Variants in VPS13B observed in about 807,000 individuals in gnomAD.
VPS13B encodes vacuolar protein sorting 13 homolog B, also known as intermembrane lipid transfer protein VPS13B.
In VPS13B, 285 loss-of-function variants were observed where a neutral mutation model predicts 426.4. That is an observed-to-expected ratio of 0.67 (90% confidence interval 0.61 to 0.74). VPS13B has a LOEUF of 0.74. VPS13B is among the 30% of genes least tolerant of loss of function. The pLI is 0.00. For synonymous variants in VPS13B, 1,676 were observed against 1,676.4 expected (o/e 1.00, Z 0.01); for missense variants, 4,537 against 4,782.6 (o/e 0.95, Z 1.51).
chr8:99,865,167 G>A (rs756576266), intron 58 of VPS13B, among the ~76,000 whole-genome samples: 29 of 152,172 alleles, frequency 1.9e-4, no homozygotes, highest in Non-Finnish European at 2.9e-4. Context: ...GAAAAACTCC[G>A]TTTAGCCTGC....
chr8:99,642,590 G>T, intron 34 of VPS13B, 92 bp downstream of exon 34: 1 of 1,182,116 alleles, frequency 8.5e-7, no homozygotes, highest in South Asian at 1.3e-5. Context: ...AGAAACAGCT[G>T]GCAGACAAAA....
intron 17 of VPS13B, among the ~76,000 whole-genome samples, chr8:99,271,633 T>C (rs139129769): frequency 7.4e-4 from 112 of 152,316 alleles, no homozygotes; most frequent in African/African-American, 2.6e-3. Flanking sequence ...AGACACTTGA[T>C]TGACTCACAG....
intron 39 of VPS13B, among the ~76,000 whole-genome samples, chr8:99,747,846 C>CTTT (rs528924547): frequency 9.4e-4 from 140 of 149,058 alleles, no homozygotes; most frequent in Middle Eastern, 3.5e-3. Context: ...TCCAAGAATA[C>CTTT]TTTTTTTTTT....
At chr8:99,756,646 A>G (rs1563902188) in intron 39 of VPS13B, among the ~76,000 whole-genome samples, 1 of 152,226 alleles carries the variant, frequency 6.6e-6, no homozygotes, top group Non-Finnish European at 1.5e-5. Flanking sequence ...TTTCTCATCA[A>G]AAGCCATAGA....
At chr8:99,855,602 G>C (rs1046237720) in intron 56 of VPS13B, among the ~76,000 whole-genome samples, 1 of 152,272 alleles carries the variant, frequency 6.6e-6, no homozygotes, top group Middle Eastern at 3.4e-3. Context: ...ACAGAGGAGA[G>C]AGCCTTTGTT....
chr8:99,736,779 G>C (rs1421327882), intron 39 of VPS13B, among the ~76,000 whole-genome samples: 2 of 151,916 alleles, frequency 1.3e-5, no homozygotes, highest in African/African-American at 2.4e-5. Context: ...TTGCCTCCAT[G>C]TATTTTCTTA....
At chr8:99,495,086 T>C (rs1820815364) in intron 25 of VPS13B, among the ~76,000 whole-genome samples, 1 of 152,180 alleles carries the variant, frequency 6.6e-6, no homozygotes, top group Admixed American at 6.5e-5. Flanking sequence ...ATATAAACTT[T>C]CCATCACCAT....
At chr8:99,649,941 A>G (rs1056342731) in intron 34 of VPS13B, among the ~76,000 whole-genome samples, 23 of 152,104 alleles carry the variant, frequency 1.5e-4, no homozygotes, top group South Asian at 1.5e-3. Flanking sequence ...TTCCTCTCCA[A>G]TCTGCATTGG....
intron 58 of VPS13B, 31 bp from the exon 59 acceptor site, chr8:99,868,258 C>CTG (rs1563517957): frequency 6.2e-7 from 1 of 1,613,994 alleles, no homozygotes; most frequent in South Asian, 1.1e-5. Context: ...TTTTAAGCCT[C>CTG]TGTCCTTACT....
At position 99,230,630 on chromosome 8, in the gene VPS13B, C is replaced by T. The variant is rs148308473; in HGVS notation, c.2515+37573C>T. 4.0e-3 allele frequency among the ~76,000 whole-genome samples: 613 copies of T among 152,304 alleles called. 5 individuals are homozygous for T. The highest frequency in any genetic ancestry group is 8.3e-3 in the South Asian group (40 of 4,830). ...CATATGATTTAGGCAAGTCTCTTTA[C>T]CTCTTTAACAATCAGTTTCCTCCTC... is the stretch of plus-strand genomic sequence containing the variant. On this transcript the variant is annotated intron_variant, in intron 17 of 61. Transcript: ENST00000357162.
In VPS13B at chr8:99,257,619, C is replaced by T. The variant is rs1817822425; in HGVS notation, c.2516-16579C>T. 2.0e-5 allele frequency among the ~76,000 whole-genome samples: 3 copies of T among 152,184 alleles called. No individual in the cohort carries two copies. The South Asian group carries it at 6.2e-4, about 32-fold the overall frequency. On this transcript the variant is annotated intron_variant, in intron 17 of 61. Transcript: ENST00000357162. Reference sequence around the variant, plus strand: ...AAATATAGTTTTGTCTTTATTATGACTTCTTTTATTTCTTTCAGCTAGTCA... The same window carrying T: ...AAATATAGTTTTGTCTTTATTATGATTTCTTTTATTTCTTTCAGCTAGTCA...
intron 6 of VPS13B, among the ~76,000 whole-genome samples, chr8:99,115,165 T>A (rs1847590675): frequency 6.6e-6 from 1 of 152,144 alleles, no homozygotes; most frequent in Admixed American, 6.5e-5. Context: ...TTGACAAAAA[T>A]TTTTATTATT....
intron 17 of VPS13B, among the ~76,000 whole-genome samples, chr8:99,238,127 A>G (rs551086323): frequency 6.6e-6 from 1 of 152,184 alleles, no homozygotes; most frequent in South Asian, 2.1e-4. Flanking sequence ...ATCCTTGAGT[A>G]TACTATAGAC....
At chr8:99,327,726 A>G (rs1239348569) in intron 19 of VPS13B, among the ~76,000 whole-genome samples, 2 of 152,192 alleles carry the variant, frequency 1.3e-5, no homozygotes, top group African/African-American at 2.4e-5. Context: ...TGTTTATAAC[A>G]CATTTTATGA....
chr8:99,518,531 T>C (rs1822209555), intron 29 of VPS13B, among the ~76,000 whole-genome samples: 1 of 152,204 alleles, frequency 6.6e-6, no homozygotes, highest in Admixed American at 6.5e-5. Flanking sequence ...ATATTTGTTA[T>C]GATAGTTCAT....
chr8:99,408,055 C>T (rs138852639), intron 21 of VPS13B, among the ~76,000 whole-genome samples: 4 of 152,080 alleles, frequency 2.6e-5, no homozygotes, highest in African/African-American at 9.6e-5. Context: ...AGAGAGAGCA[C>T]TGGGAAGAGG....
intron 3 of VPS13B, among the ~76,000 whole-genome samples, chr8:99,069,510 T>A (rs1563519939): frequency 6.6e-6 from 1 of 152,244 alleles, no homozygotes; most frequent in Non-Finnish European, 1.5e-5. Flanking sequence ...GAGTATGTAG[T>A]TATCTAATAA....
chr8:99,493,958 C>T (rs1707277345), intron 25 of VPS13B, among the ~76,000 whole-genome samples: 1 of 151,944 alleles, frequency 6.6e-6, no homozygotes, highest in Admixed American at 6.6e-5. Context: ...AATTAAACTT[C>T]ATACTATGTA....
At chr8:99,518,478 A>G (rs1822205350) in intron 29 of VPS13B, among the ~76,000 whole-genome samples, 2 of 152,172 alleles carry the variant, frequency 1.3e-5, no homozygotes, top group Admixed American at 6.6e-5. Flanking sequence ...ATCTTTTGCT[A>G]TGGATGTAAA....
Sources: allele counts gnomAD v4.1 joint callset (sites outside exome capture counted in the v4.1 genomes callset), GRCh38; gene constraint gnomAD v4.1.1; transcripts MANE v1.5; gene names NCBI Gene and HGNC (gene_info 2026-07-23, HGNC 2026-07-21).